The following SLC27A6 variants were observed in gnomAD, a reference collection of about 807,000 sequenced individuals.
The protein encoded by SLC27A6 is long-chain fatty acid transport protein 6.
A neutral mutation model predicts 63.9 loss-of-function variants in SLC27A6; 74 were observed. The ratio of observed to expected loss-of-function variants is 1.16; its 90% CI spans 0.96 to 1.40. The LOEUF (loss-of-function observed/expected upper bound fraction) is 1.40. Among genes scored for constraint, SLC27A6 ranks in the 40% most tolerant of loss-of-function variants. SLC27A6 has a pLI of 0.00. For synonymous variants in SLC27A6, 287 were observed against 260.8 expected (o/e 1.10, Z -0.97); for missense variants, 794 against 732.9 (o/e 1.08, Z -0.96).
At chr5:128,976,945 T>C (rs140672248) in intron 1 of SLC27A6, among the ~76,000 whole-genome samples, 1 of 152,220 alleles carries the variant, frequency 6.6e-6, no homozygotes, top group Non-Finnish European at 1.5e-5. Context: ...ATATACCATA[T>C]GCAAGTAAAT....
intron 9 of SLC27A6, among the ~76,000 whole-genome samples, chr5:129,031,728 C>T (rs727647): frequency 0.22 from 34,028 of 151,674 alleles, 3,880 homozygotes; most frequent in Middle Eastern, 0.28. Flanking sequence ...TTTCTAAGTT[C>T]AATTTTGAAG....
At chr5:129,021,466 G>A (rs2150152716) in intron 5 of SLC27A6, among the ~76,000 whole-genome samples, 1 of 152,302 alleles carries the variant, frequency 6.6e-6, no homozygotes, top group South Asian at 2.1e-4. Context: ...AATCTGCAAA[G>A]ATACGTGGGT....
intron 4 of SLC27A6, among the ~76,000 whole-genome samples, chr5:128,997,254 T>C (rs1380304340): frequency 2.6e-5 from 4 of 152,182 alleles, no homozygotes; most frequent in Non-Finnish European, 5.9e-5. Context: ...TGATTTTGCC[T>C]GTAAGATCTA....
chr5:128,966,243 A>C lies in SLC27A6; in HGVS notation c.106A>C (p.Lys36Gln). 1 of 1,613,446 alleles carries C rather than the reference A, an allele frequency of 6.2e-7. No individual in the cohort carries two copies. Among genetic ancestry groups the C allele is most frequent in the South Asian group, 1.1e-5 (1 of 90,992 alleles). The change falls in exon 1 of 10, where the codon AAG becomes CAG. Residue 36 changes from lysine to glutamine, a missense_variant. Coordinates refer to ENST00000262462, the MANE Select transcript of SLC27A6 (RefSeq NM_001017372.3). ...YFWDDFWFVLKVVLIIIRLKK... is the reference protein window; with the variant it reads ...YFWDDFWFVLQVVLIIIRLKK... ...TTGGGATGACTTCTGGTTCGTGTTG[A>C]AGGTGGTGCTCATTATAATTCGGCT...
At chr5:129,032,138 C>T (rs1752435579) in intron 9 of SLC27A6, among the ~76,000 whole-genome samples, 2 of 151,990 alleles carry the variant, frequency 1.3e-5, no homozygotes, top group South Asian at 4.1e-4. Context: ...AGACTCATGG[C>T]ATCTTTAATG....
intron 4 of SLC27A6, among the ~76,000 whole-genome samples, chr5:129,012,165 T>C (rs2150147990): frequency 6.6e-6 from 1 of 152,104 alleles, no homozygotes; most frequent in South Asian, 2.1e-4. Context: ...TTATTTTTCT[T>C]ATACAGTTCA....
intron 4 of SLC27A6, among the ~76,000 whole-genome samples, chr5:129,006,071 GTTTTTTTTTTTT>G (rs4068575): frequency 1.7e-5 from 1 of 60,148 alleles, no homozygotes. Flanking sequence ...TGTGCACACT[GTTTTTTTTTTTT>G]TTTTTTTTTT....
chr5:128,966,183 C>T lies in SLC27A6; in HGVS notation c.46C>T (p.Leu16=). The change falls in exon 1 of 10, where the codon CTG becomes TTG. Residue 16 remains leucine, a synonymous_variant. Coordinates refer to ENST00000262462, the MANE Select transcript of SLC27A6 (RefSeq NM_001017372.3). ...AGTTCTAGGGGCTGGAATGGTCGTC[C>T]TGCACTTCTTGCAGAAACTCCTGTT... is the stretch of plus-strand genomic sequence containing the variant. ...LTVLGAGMVV[L]HFLQKLLFPY... is the part of the protein sequence containing the mutation. 3 of 1,587,882 alleles carry T rather than the reference C, an allele frequency of 1.9e-6. No individual in the cohort carries two copies. Among genetic ancestry groups the T allele is most frequent in the South Asian group, 1.2e-5 (1 of 85,558 alleles).
At chr5:128,970,493 G>A (rs2150126416) in intron 1 of SLC27A6, among the ~76,000 whole-genome samples, 1 of 152,288 alleles carries the variant, frequency 6.6e-6, no homozygotes, top group African/African-American at 2.4e-5. Context: ...TTGTGACGGT[G>A]TATGTGTCCA....
intron 5 of SLC27A6, among the ~76,000 whole-genome samples, chr5:129,020,552 G>C (rs927227029): frequency 6.6e-6 from 1 of 152,040 alleles, no homozygotes; most frequent in Admixed American, 6.6e-5. Context: ...CAAATCCATA[G>C]ATAACAACAG....
At chr5:128,994,937 A>G (rs1751105667) in intron 4 of SLC27A6, among the ~76,000 whole-genome samples, 1 of 152,174 alleles carries the variant, frequency 6.6e-6, no homozygotes. Context: ...TAAACGTTAG[A>G]TGTACTTCTT....
intron 2 of SLC27A6, 77 bp downstream of exon 2, chr5:128,985,413 AT>A: frequency 8.5e-7 from 1 of 1,178,458 alleles, no homozygotes; most frequent in Non-Finnish European, 1.2e-6. Context: ...AATTTCTACC[AT>A]GTGTAGTGAC....
chr5:128,966,209 C>T lies in SLC27A6; in HGVS notation c.72C>T (p.Phe24=), dbSNP rs149230836. ...TGCACTTCTTGCAGAAACTCCTGTT[C>T]CCTTACTTTTGGGATGACTTCTGGT... ...VVLHFLQKLL[F]PYFWDDFWFV... is the part of the protein sequence containing the mutation. The change falls in exon 1 of 10, where the codon TTC becomes TTT. Residue 24 remains phenylalanine (F), a synonymous_variant. Transcript: ENST00000262462. 3 of 1,607,728 alleles carry T rather than the reference C, an allele frequency of 1.9e-6. No homozygotes were observed. Among genetic ancestry groups the T allele is most frequent in the Non-Finnish European group, 8.5e-7 (1 of 1,177,014 alleles).
intron 1 of SLC27A6, among the ~76,000 whole-genome samples, chr5:128,981,792 A>G (rs1750597508): frequency 8.3e-6 from 1 of 120,684 alleles, no homozygotes; most frequent in Admixed American, 8.7e-5. Context: ...GGACATGAAA[A>G]GAGTTTTTTT....
intron 4 of SLC27A6, among the ~76,000 whole-genome samples, chr5:128,991,280 T>C (rs1242736579): frequency 6.6e-6 from 1 of 152,228 alleles, no homozygotes; most frequent in Non-Finnish European, 1.5e-5. Context: ...TGCAGTCACC[T>C]TCCCCAGCTA....
At chr5:129,012,586 T>C (rs1283707222) in intron 4 of SLC27A6, among the ~76,000 whole-genome samples, 2 of 152,132 alleles carry the variant, frequency 1.3e-5, no homozygotes, top group Non-Finnish European at 2.9e-5. Context: ...CTATTTTAGC[T>C]CTGTCCATTT....
chr5:128,968,224 ATG>A (rs1003167799), intron 1 of SLC27A6, among the ~76,000 whole-genome samples: 1 of 152,068 alleles, frequency 6.6e-6, no homozygotes, highest in Non-Finnish European at 1.5e-5. Flanking sequence ...ATAAACATAC[ATG>A]TGTGTGTGTC....
rs141984077 is a variant in SLC27A6 at position 128,966,574 on chromosome 5, A to G, written c.437A>G (p.Asn146Ser). Residue 146 changes from asparagine (N) to serine (S), a missense_variant, in exon 1 of 10, where the codon AAT becomes AGT. Asn to Ser is a conservative substitution (Grantham distance 46). Transcript: ENST00000262462. ...NTNIRSNSLL[N>S]CIRACGPRAL... is the part of the protein sequence containing the mutation. ...AACATTCGCTCCAACTCCCTCCTGA[A>G]TTGCATCCGCGCCTGTGGGCCCAGA... is the stretch of plus-strand genomic sequence containing the variant. The G allele has an allele frequency of 1.1e-5, 17 of 1,556,152 alleles. No individual in the cohort carries two copies. In the African/African-American group the frequency reaches 2.3e-4, roughly 21 times the overall value.
intron 4 of SLC27A6, among the ~76,000 whole-genome samples, chr5:128,993,700 T>C (rs1415345797): frequency 6.6e-6 from 1 of 152,216 alleles, no homozygotes; most frequent in African/African-American, 2.4e-5. Flanking sequence ...AAATGAAATA[T>C]TCTTTTTAAC....
Sources: gnomAD v4.1 joint callset for allele counts (sites outside exome capture counted in the v4.1 genomes callset) on GRCh38, gnomAD v4.1.1 for gene constraint, MANE v1.5 for transcripts, NCBI Gene and HGNC (gene_info 2026-07-23, HGNC 2026-07-21) for gene names.